The following FAM117B variants were observed in gnomAD, a reference collection of about 807,000 sequenced individuals.
FAM117B encodes the protein family with sequence similarity 117 member B, also known as protein FAM117B.
FAM117B carries 22 observed loss-of-function variants against 52.8 expected under a neutral mutation model. That is an observed-to-expected ratio of 0.42 (90% confidence interval 0.30 to 0.59). The LOEUF (loss-of-function observed/expected upper bound fraction) is 0.59. Among genes scored for constraint, FAM117B ranks in the 20% least tolerant of loss-of-function variants. The probability of loss-of-function intolerance (pLI) is 0.22; values close to 1 mark genes in which losing one functional copy is unlikely to be tolerated. For missense variants in FAM117B, 678 were observed against 802.6 expected (o/e 0.84, Z 1.88); for synonymous variants, 309 against 324.1 (o/e 0.95, Z 0.50).
intron 4 of FAM117B, among the ~76,000 whole-genome samples, chr2:202,732,826 G>GTAAA (rs71406995): frequency 0.043 from 6,100 of 140,962 alleles, 153 homozygotes; most frequent in Non-Finnish European, 0.057. Context: ...ATCTCAATAA[G>GTAAA]TAAATAAATA....
Position 202,695,938 on chromosome 2 carries a change from C to A in FAM117B, c.659C>A (p.Ser220Tyr). Residue 220 changes from serine to tyrosine, a missense_variant, in exon 2 of 8, where the codon TCC becomes TAC. This residue lies in a region of FAM117B where 583 missense variants were observed against 644.8 expected (regional missense o/e 0.90). Coordinates refer to ENST00000392238, the MANE Select transcript of FAM117B (RefSeq NM_173511.4). ...SPSSIIRRTS[S>Y]LDTLAAPYLA... ...TCCAGTATTATCCGACGCACTTCCT[C>A]CCTGGATACTCTTGCTGCACCGTAT... 6.2e-7 allele frequency: 1 copy of A among 1,614,038 alleles called. No individual in the cohort carries two copies. The highest frequency in any genetic ancestry group is 8.5e-7 in the Non-Finnish European group (1 of 1,179,980).
At chr2:202,636,736 G>C (rs1374485909) in intron 1 of FAM117B, among the ~76,000 whole-genome samples, 1 of 152,062 alleles carries the variant, frequency 6.6e-6, no homozygotes, top group Admixed American at 6.5e-5. Flanking sequence ...CCTTGTCTGG[G>C]GAACTTCTGT....
At chr2:202,662,160 G>A (rs1468038887) in intron 1 of FAM117B, among the ~76,000 whole-genome samples, 1 of 151,920 alleles carries the variant, frequency 6.6e-6, no homozygotes, top group Non-Finnish European at 1.5e-5. Flanking sequence ...GTGTGTGTGT[G>A]TACGTGTACA....
chr2:202,657,343 C>T (rs575626794), intron 1 of FAM117B, among the ~76,000 whole-genome samples: 1 of 152,280 alleles, frequency 6.6e-6, no homozygotes, highest in East Asian at 1.9e-4. Context: ...CTGCCTTGGC[C>T]TCCCAAAGTG....
intron 2 of FAM117B, among the ~76,000 whole-genome samples, chr2:202,710,657 T>G (rs1690943907): frequency 6.6e-6 from 1 of 152,154 alleles, no homozygotes; most frequent in South Asian, 2.1e-4. Context: ...CTAGATCTTA[T>G]TCTATCTAAC....
At chr2:202,750,856 C>T (rs534379988) in intron 4 of FAM117B, among the ~76,000 whole-genome samples, 44 of 152,120 alleles carry the variant, frequency 2.9e-4, no homozygotes, top group Non-Finnish European at 4.9e-4. Flanking sequence ...CTGTTTTATA[C>T]GCATGCATTG....
intron 1 of FAM117B, among the ~76,000 whole-genome samples, chr2:202,666,647 A>G (rs904706159): frequency 3.3e-5 from 5 of 150,806 alleles, no homozygotes; most frequent in Non-Finnish European, 5.9e-5. Context: ...CTATTTTGAA[A>G]TAACATGTTT....
At chr2:202,655,422 T>C (rs1207510624) in intron 1 of FAM117B, among the ~76,000 whole-genome samples, 1 of 152,148 alleles carries the variant, frequency 6.6e-6, no homozygotes, top group Admixed American at 6.6e-5. Flanking sequence ...AGTAAGTGTA[T>C]GTTTATAAGA....
intron 1 of FAM117B, among the ~76,000 whole-genome samples, chr2:202,650,714 A>G (rs910057490): frequency 6.6e-6 from 1 of 152,168 alleles, no homozygotes; most frequent in African/African-American, 2.4e-5. Flanking sequence ...TGTAAATCCA[A>G]GAGTCCAAAA....
At chr2:202,747,623 A>G (rs969189019) in intron 4 of FAM117B, among the ~76,000 whole-genome samples, 1 of 152,196 alleles carries the variant, frequency 6.6e-6, no homozygotes. Context: ...TACAAAGTCA[A>G]TATATAAAAA....
chr2:202,650,018 AC>A (rs1259298373), intron 1 of FAM117B, among the ~76,000 whole-genome samples: 1 of 151,256 alleles, frequency 6.6e-6, no homozygotes, highest in Non-Finnish European at 1.5e-5. Context: ...ACAGACGCCT[AC>A]CACATACCTG....
At chr2:202,722,641 G>C (rs1467792608) in intron 2 of FAM117B, among the ~76,000 whole-genome samples, 2 of 152,076 alleles carry the variant, frequency 1.3e-5, no homozygotes, top group African/African-American at 4.8e-5. Context: ...TGGACACATA[G>C]AGGGGAAGAG....
At chr2:202,746,596 T>A (rs2105795699) in intron 4 of FAM117B, among the ~76,000 whole-genome samples, 1 of 152,068 alleles carries the variant, frequency 6.6e-6, no homozygotes, top group Non-Finnish European at 1.5e-5. Flanking sequence ...AGAAAGATTA[T>A]TAAAGATAAG....
chr2:202,695,256 T>C (rs568871147), intron 1 of FAM117B, among the ~76,000 whole-genome samples: 2 of 152,298 alleles, frequency 1.3e-5, no homozygotes, highest in African/African-American at 4.8e-5. Context: ...ACAGTAATCC[T>C]TATCCTTTTT....
intron 7 of FAM117B, among the ~76,000 whole-genome samples, chr2:202,762,966 A>C (rs1464110677): frequency 6.6e-6 from 1 of 152,094 alleles, no homozygotes; most frequent in Non-Finnish European, 1.5e-5. Context: ...CCTGTCATTA[A>C]AAAAACAATT....
At chr2:202,765,408 G>C (rs184144217) in intron 7 of FAM117B, 38 bp from the exon 8 acceptor site, 2 of 1,459,860 alleles carry the variant, frequency 1.4e-6, no homozygotes, top group East Asian at 4.8e-5. Context: ...TTTAAGTTCA[G>C]TGACTTAAAA....
intron 7 of FAM117B, among the ~76,000 whole-genome samples, chr2:202,765,119 C>T (rs1691955184): frequency 6.6e-6 from 1 of 152,092 alleles, no homozygotes; most frequent in Non-Finnish European, 1.5e-5. Flanking sequence ...ATTCATTATT[C>T]CCTTGACCGT....
intron 1 of FAM117B, among the ~76,000 whole-genome samples, chr2:202,692,125 A>C (rs1320534939): frequency 6.6e-6 from 1 of 152,208 alleles, no homozygotes. Context: ...TAGCTATGCA[A>C]GACCCTTACC....
chr2:202,746,738 T>C (rs1691639171), intron 4 of FAM117B, among the ~76,000 whole-genome samples: 1 of 151,890 alleles, frequency 6.6e-6, no homozygotes, highest in African/African-American at 2.4e-5. Flanking sequence ...GGTTATGAGA[T>C]TGAATCAGTA....
Sources: allele counts gnomAD v4.1 joint callset (sites outside exome capture counted in the v4.1 genomes callset), GRCh38; gene constraint gnomAD v4.1.1; regional missense constraint gnomAD v4.1.1; transcripts MANE v1.5; gene names NCBI Gene and HGNC (gene_info 2026-07-23, HGNC 2026-07-21).